The following ITPR2 variants were observed in gnomAD, a reference collection of about 807,000 sequenced individuals.
The protein encoded by ITPR2 is inositol 1,4,5-trisphosphate receptor type 2.
Under a neutral mutation model 317.1 loss-of-function variants are expected in ITPR2, and 207 were observed. That is an observed-to-expected ratio of 0.65 (90% CI 0.58 to 0.73). The LOEUF is 0.73. Ranked by LOEUF, ITPR2 falls within the 30% of genes least tolerant of loss-of-function variation. The pLI is 0.00. For synonymous variants in ITPR2, 1,156 were observed against 1,149.1 expected (o/e 1.01, Z -0.12); for missense variants, 2,613 against 3,284.0 (o/e 0.80, Z 4.99).
chr12:26,710,795 C>G (rs1395675359), intron 9 of ITPR2, among the ~76,000 whole-genome samples: 2 of 152,122 alleles, frequency 1.3e-5, no homozygotes, highest in Non-Finnish European at 2.9e-5. Flanking sequence ...CAGATGAACC[C>G]AAAGCTAGCT....
At chr12:26,701,133 T>A (rs1012453825) in intron 9 of ITPR2, among the ~76,000 whole-genome samples, 2 of 152,102 alleles carry the variant, frequency 1.3e-5, no homozygotes, top group Non-Finnish European at 2.9e-5. Flanking sequence ...AAGTCAGGTA[T>A]GGTGCAAAAT....
rs201458278 is a variant in ITPR2 at position 26,691,543 on chromosome 12, CAGAA to C, written c.996+4059_996+4062del. On this transcript the variant is annotated intron_variant, in intron 10 of 56. Coordinates refer to ENST00000381340, the MANE Select transcript of ITPR2 (RefSeq NM_002223.4). ...CTTAATCAAACGAGCATTTTTCACTCAGAAAGAAAGCCACATAGCCTCTCAAGTT... is the reference window on the plus strand; with the variant it reads ...CTTAATCAAACGAGCATTTTTCACTCAGAAAGCCACATAGCCTCTCAAGTT... Among the ~76,000 whole-genome samples the C allele has an allele frequency of 2.8e-3, 425 of 152,182 alleles. 2 individuals carry two copies. The highest frequency in any genetic ancestry group is 9.8e-3 in the African/African-American group (407 of 41,538).
rs144318092 is a variant in ITPR2, at chr12:26,460,638, G to A, written c.6342+14658C>T. Reference sequence around the variant, plus strand: ...TGGAGCAGCTTTTTTTGAAACTGTGGTCTGCAGACAACTTGAATAAAAATA... The same window carrying A: ...TGGAGCAGCTTTTTTTGAAACTGTGATCTGCAGACAACTTGAATAAAAATA... On this transcript the variant is annotated intron_variant, in intron 45 of 56. Coordinates refer to ENST00000381340, the MANE Select transcript of ITPR2 (RefSeq NM_002223.4). Among the ~76,000 whole-genome samples, 75 of 152,218 alleles carry A rather than the reference G, an allele frequency of 4.9e-4. 2 individuals are homozygous for A. Among genetic ancestry groups the A allele is most frequent in the African/African-American group, 1.7e-3 (70 of 41,526 alleles).
At chr12:26,756,484 C>T (rs1009445050) in intron 2 of ITPR2, among the ~76,000 whole-genome samples, 2 of 152,198 alleles carry the variant, frequency 1.3e-5, no homozygotes, top group Non-Finnish European at 2.9e-5. Context: ...TGTTGCTTTA[C>T]TGTTGTGTAA....
At chr12:26,754,112 GC>G (rs1949480496) in intron 2 of ITPR2, among the ~76,000 whole-genome samples, 1 of 152,132 alleles carries the variant, frequency 6.6e-6, no homozygotes, top group African/African-American at 2.4e-5. Context: ...AAGGTATAAT[GC>G]CTTTTATTTA....
intron 13 of ITPR2, among the ~76,000 whole-genome samples, chr12:26,668,851 T>C (rs1019444844): frequency 6.6e-6 from 1 of 151,928 alleles, no homozygotes; most frequent in South Asian, 2.1e-4. Context: ...CTGAGCACAG[T>C]GGCTCATGCC....
intron 45 of ITPR2, among the ~76,000 whole-genome samples, chr12:26,446,379 A>T (rs1338569449): frequency 6.6e-6 from 1 of 152,160 alleles, no homozygotes; most frequent in African/African-American, 2.4e-5. Context: ...CAACACACAC[A>T]AAAGAGATAC....
At chr12:26,365,375 G>A (rs945135394) in intron 55 of ITPR2, among the ~76,000 whole-genome samples, 2 of 152,094 alleles carry the variant, frequency 1.3e-5, no homozygotes, top group Admixed American at 6.5e-5. Flanking sequence ...TTAATTACAT[G>A]ACTCTTTTTT....
intron 55 of ITPR2, among the ~76,000 whole-genome samples, chr12:26,348,818 T>C (rs1938387091): frequency 6.6e-6 from 1 of 152,156 alleles, no homozygotes; most frequent in East Asian, 1.9e-4. Context: ...CAAGACCTCA[T>C]CTCTACTAAA....
intron 43 of ITPR2, among the ~76,000 whole-genome samples, chr12:26,479,028 G>A (rs545684591): frequency 6.6e-6 from 1 of 151,034 alleles, no homozygotes; most frequent in East Asian, 2.0e-4. Flanking sequence ...ATGCAAGGAA[G>A]TCCCTTAAAT....
rs145656477 is a variant in ITPR2 at position 26,473,696 on chromosome 12, A to G, written c.6342+1600T>C. On this transcript the variant is annotated intron_variant, in intron 45 of 56. Transcript: ENST00000381340. ...GTTTCTGTGTTCATTCTAGTAGCCA[A>G]TATGATTTTAATTCTCAGCCTGGGA... Among the ~76,000 whole-genome samples the G allele has an allele frequency of 2.2e-3, 335 of 152,316 alleles. 2 individuals carry two copies. Among genetic ancestry groups the G allele is most frequent in the African/African-American group, 7.6e-3 (318 of 41,574 alleles).
In ITPR2 at chr12:26,666,065, A is replaced by G; in HGVS notation, c.1410-14T>C. 1 of 1,603,668 alleles carries G rather than the reference A, an allele frequency of 6.2e-7. No homozygotes were observed. ...TTGGTTACAAACCTATTACAAAATG[A>G]AAAGGAAATTTTACTTTACAGTGTG... On this transcript the variant is annotated splice_polypyrimidine_tract_variant and intron_variant, in intron 13 of 56. Transcript: ENST00000381340.
At chr12:26,662,144 CA>C (rs1029552419) in intron 15 of ITPR2, among the ~76,000 whole-genome samples, 4 of 152,184 alleles carry the variant, frequency 2.6e-5, no homozygotes, top group African/African-American at 9.6e-5. Context: ...TCTTACTCTT[CA>C]AACAGAATTG....
intron 9 of ITPR2, among the ~76,000 whole-genome samples, chr12:26,703,404 G>T (rs1948489788): frequency 1.3e-5 from 2 of 152,134 alleles, no homozygotes. Flanking sequence ...TACCTAGTAG[G>T]CATTCAATAA....
At chr12:26,348,180 G>A (rs1005778865) in intron 55 of ITPR2, among the ~76,000 whole-genome samples, 1 of 152,192 alleles carries the variant, frequency 6.6e-6, no homozygotes, top group Admixed American at 6.5e-5. Flanking sequence ...TTTGTCTGAA[G>A]ACATCAGCAG....
At chr12:26,537,642 TA>T (rs1329082594) in intron 37 of ITPR2, among the ~76,000 whole-genome samples, 24 of 152,220 alleles carry the variant, frequency 1.6e-4, no homozygotes, top group African/African-American at 5.5e-4. Context: ...AGTCCTCATT[TA>T]AATTATTTTG....
At chr12:26,425,157 T>A (rs1479763571) in intron 49 of ITPR2, among the ~76,000 whole-genome samples, 1 of 152,030 alleles carries the variant, frequency 6.6e-6, no homozygotes, top group East Asian at 1.9e-4. Context: ...TTGACCAGAC[T>A]GGCCTCAAAC....
intron 35 of ITPR2, among the ~76,000 whole-genome samples, chr12:26,556,823 A>G (rs1005932299): frequency 1.3e-5 from 2 of 150,996 alleles, no homozygotes; most frequent in Non-Finnish European, 2.9e-5. Flanking sequence ...TCACGCATGT[A>G]ATCCCAGCAC....
chr12:26,382,801 A>G (rs1254490819), intron 55 of ITPR2, among the ~76,000 whole-genome samples: 1 of 152,236 alleles, frequency 6.6e-6, no homozygotes, highest in African/African-American at 2.4e-5. Context: ...TAACCCTTAG[A>G]AGCAATGTAT....
Sources: gnomAD v4.1 joint callset for allele counts (sites outside exome capture counted in the v4.1 genomes callset) on GRCh38, gnomAD v4.1.1 for gene constraint, MANE v1.5 for transcripts, NCBI Gene and HGNC (gene_info 2026-07-23, HGNC 2026-07-21) for gene names.